RABEP2: variants seen among roughly 807,000 people sequenced by gnomAD.
The protein encoded by RABEP2 is rab GTPase-binding effector protein 2.
A neutral mutation model predicts 74.1 loss-of-function variants in RABEP2; 57 were observed. The ratio of observed to expected loss-of-function variants is 0.77; its 90% CI spans 0.62 to 0.96. The LOEUF (loss-of-function observed/expected upper bound fraction) is 0.96, where lower values mean the gene tolerates loss of function less well. Among genes scored for constraint, RABEP2 ranks in the 40% least tolerant of loss-of-function variants. The probability of loss-of-function intolerance (pLI) is 0.00; values close to 1 mark genes in which losing one functional copy is unlikely to be tolerated. For missense variants in RABEP2, 692 were observed against 756.3 expected, an observed-to-expected ratio of 0.91 and a Z score of 1.00; for synonymous variants, 351 against 344.0, an observed-to-expected ratio of 1.02 and a Z score of -0.23.
At chr16:28,924,884 C>G (rs1964513421) in intron 1 of RABEP2, 1 of 759,404 alleles carries the variant, frequency 1.3e-6, no homozygotes, top group Admixed American at 2.0e-5. Flanking sequence ...CGCGCCCCTT[C>G]CTCACCGGGC....
At chr16:28,917,444 G>C in intron 3 of RABEP2, among the ~76,000 whole-genome samples, 1 of 152,270 alleles carries the variant, frequency 6.6e-6, no homozygotes, top group East Asian at 1.9e-4. Flanking sequence ...TTTTGAGACG[G>C]AATCTTGCTC....
chr16:28,920,048 T>C (rs1193994791), intron 2 of RABEP2, 105 bp from the exon 3 acceptor site: 15 of 1,295,918 alleles, frequency 1.2e-5, no homozygotes, highest in Middle Eastern at 2.7e-4. Flanking sequence ...TGTGAGACAA[T>C]CTACCATAGC....
chr16:28,912,792 A>G (rs1354028642), intron 5 of RABEP2, among the ~76,000 whole-genome samples: 1 of 151,980 alleles, frequency 6.6e-6, no homozygotes, highest in Non-Finnish European at 1.5e-5. Context: ...GTCTCCTAAG[A>G]CGCACAATGC....
At position 28,924,291 on chromosome 16, in the gene RABEP2, C is replaced by T; in HGVS notation, c.274+112G>A. 3.7e-6 allele frequency: 4 copies of T among 1,088,550 alleles called. No homozygotes were observed. In the South Asian group the frequency reaches 4.3e-5, roughly 12 times the overall value. 67.4% of individuals were successfully genotyped at this position (1,088,550 alleles called of 1,614,324 possible). ...TCTGGGCCATAGGCATGCCCTGTGC[C>T]AGGCAGCCCTGCTAACCTATCCCAT... On this transcript the variant is annotated intron_variant, in intron 2 of 12. Coordinates refer to ENST00000358201, the MANE Select transcript of RABEP2 (RefSeq NM_024816.3).
chr16:28,907,483 G>A (rs1027213522), intron 8 of RABEP2, among the ~76,000 whole-genome samples: 1 of 151,920 alleles, frequency 6.6e-6, no homozygotes, highest in Non-Finnish European at 1.5e-5. Flanking sequence ...ATTTTTTGTA[G>A]AGACAGGGTC....
At position 28,925,114 on chromosome 16, in the gene RABEP2, C is replaced by T; in HGVS notation, c.50G>A (p.Arg17Gln). 3 of 1,531,562 alleles carry T rather than the reference C, an allele frequency of 2.0e-6. No homozygotes were observed. The South Asian group carries it at 3.6e-5, about 18-fold the overall frequency. 94.9% of individuals were successfully genotyped at this position (1,531,562 alleles called of 1,614,324 possible). The change falls in exon 1 of 13, where the codon CGG becomes CAG. Residue 17 changes from arginine to glutamine, a missense_variant. Physicochemically the swap from Arg to Gln is conservative, Grantham distance 43. Transcript: ENST00000358201. ...GCCCCCTCACGTACCAGCCCCCGGC[C>T]GCCGCCGCCGCTCATCGTCGTCCGC... ...VAADDDERRR[R>Q]PGAALEDSRS...
In RABEP2 at chr16:28,908,601, CAGCTTA is replaced by C. The variant is rs1480382425; in HGVS notation, c.1245+2_1245+7del. The C allele has an allele frequency of 1.2e-6, 2 of 1,603,482 alleles. No homozygotes were observed. Among genetic ancestry groups the C allele is most frequent in the Admixed American group, 3.4e-5 (2 of 59,116 alleles). On this transcript the variant is annotated splice_donor_variant and splice_donor_5th_base_variant and intron_variant, in intron 8 of 12. Coordinates refer to ENST00000358201, the MANE Select transcript of RABEP2 (RefSeq NM_024816.3). LOFTEE classifies it high-confidence loss of function. Reference sequence around the variant, plus strand: ...GCTCCAGGCTCTCAGTGCCCACACTCAGCTTACTGGCACAGAGCTGGGCAGTGATTC... The same window carrying C: ...GCTCCAGGCTCTCAGTGCCCACACTCCTGGCACAGAGCTGGGCAGTGATTC...
intron 2 of RABEP2, 34 bp from the exon 3 acceptor site, chr16:28,919,977 G>A (rs1277928371): frequency 1.0e-5 from 16 of 1,544,100 alleles, no homozygotes; most frequent in Admixed American, 1.8e-5. Flanking sequence ...GAGAGAGGGA[G>A]GGTCAATGAG....
intron 5 of RABEP2, among the ~76,000 whole-genome samples, 181 bp downstream of exon 5, chr16:28,914,055 G>A (rs968913573): frequency 8.0e-5 from 12 of 150,644 alleles, no homozygotes; most frequent in Non-Finnish European, 1.3e-4. Flanking sequence ...GATGGCAGGT[G>A]TGAGCCACCG....
intron 2 of RABEP2, 71 bp downstream of exon 2, chr16:28,924,332 C>A: frequency 6.9e-7 from 1 of 1,455,856 alleles, no homozygotes; most frequent in Non-Finnish European, 9.5e-7. Context: ...ATCTGTGCCC[C>A]CAATCCCTTT....
Position 28,904,621 on chromosome 16 carries a change from TGGGCAGGGGACGGGCTGG to T in RABEP2, c.*304_*321del. 2.0e-6 allele frequency: 2 copies of T among 1,023,436 alleles called. No individual in the cohort carries two copies. Among genetic ancestry groups the T allele is most frequent in the Non-Finnish European group, 1.3e-6 (1 of 750,234 alleles). The allele number at this position is 1,023,436 out of a possible 1,614,324, so 63.4% of individuals were successfully genotyped here. ...CAGCCCCCATGGCTCCGCTGTGCCCTGGGCAGGGGACGGGCTGGGGGCAGGGGAGGGCTGGAGCCCAGG... is the reference window on the plus strand; with the variant it reads ...CAGCCCCCATGGCTCCGCTGTGCCCTGGGCAGGGGAGGGCTGGAGCCCAGG... On this transcript the variant is annotated 3_prime_UTR_variant, in exon 13 of 13. Coordinates refer to ENST00000358201, the MANE Select transcript of RABEP2 (RefSeq NM_024816.3).
At chr16:28,908,262 A>ACT (rs10653411) in intron 8 of RABEP2, among the ~76,000 whole-genome samples, 1 of 151,848 alleles carries the variant, frequency 6.6e-6, no homozygotes, top group Non-Finnish European at 1.5e-5. Context: ...TTATTAAGAA[A>ACT]AAGTTGACAA....
intron 5 of RABEP2, 32 bp from the exon 6 acceptor site, chr16:28,911,211 C>A (rs780237428): frequency 1.3e-6 from 2 of 1,595,802 alleles, no homozygotes; most frequent in Non-Finnish European, 1.7e-6. Flanking sequence ...GCCTGCATCT[C>A]CCAGGAACTT....
At position 28,905,505 on chromosome 16, in the gene RABEP2, G is replaced by A. The variant is rs777796444; in HGVS notation, c.1500C>T (p.Leu500=). 1.9e-6 allele frequency: 3 copies of A among 1,611,302 alleles called. No homozygotes were observed. Among genetic ancestry groups the A allele is most frequent in the East Asian group, 2.2e-5 (1 of 44,842 alleles). The change falls in exon 12 of 13, where the codon CTC becomes CTT. Residue 500 remains leucine (L), a synonymous_variant. Coordinates refer to ENST00000358201, the MANE Select transcript of RABEP2 (RefSeq NM_024816.3). ...CCCTCTGTTCTGAGAGGAGGTCTGG[G>A]AGCTGGGCCTGCGGGGACAGACACC... ...RVQQEQSKAQ[L]PDLLSEQRAK... is the part of the protein sequence containing the mutation.
In RABEP2 at chr16:28,925,214, C is replaced by T. The variant is rs1964519883; in HGVS notation, c.-51G>A. 6.6e-7 allele frequency: 1 copy of T among 1,504,370 alleles called. No individual in the cohort carries two copies. Among genetic ancestry groups the T allele is most frequent in the South Asian group, 1.2e-5 (1 of 80,238 alleles). The allele number at this position is 1,504,370 out of a possible 1,614,324, so 93.2% of individuals were successfully genotyped here. ...CGCACTCCCTGGTGACGGAGCGCAC[C>T]GCTTCCGGGTCCTCTCGGCTGTTTC... On this transcript the variant is annotated 5_prime_UTR_variant, in exon 1 of 13. Transcript: ENST00000358201.
chr16:28,905,278 C>T (rs935916774), intron 12 of RABEP2, 119 bp downstream of exon 12: 58 of 778,616 alleles, frequency 7.4e-5, no homozygotes, highest in Non-Finnish European at 1.1e-4. Flanking sequence ...CAGGACAGGA[C>T]CATGCCAGCC....
At chr16:28,911,818 G>A (rs1055294499) in intron 5 of RABEP2, among the ~76,000 whole-genome samples, 8 of 151,972 alleles carry the variant, frequency 5.3e-5, no homozygotes, top group Admixed American at 2.0e-4. Context: ...ACGTGGTGGC[G>A]GGCCCCTGTA....
At chr16:28,917,318 C>G (rs1431961953) in intron 3 of RABEP2, among the ~76,000 whole-genome samples, 1 of 152,252 alleles carries the variant, frequency 6.6e-6, no homozygotes, top group Non-Finnish European at 1.5e-5. Flanking sequence ...AGGCAGAAAT[C>G]TGCCAGTCAT....
chr16:28,916,527 C>T (rs1394822544), intron 3 of RABEP2, among the ~76,000 whole-genome samples: 15 of 151,514 alleles, frequency 9.9e-5, no homozygotes, highest in East Asian at 1.9e-4. Flanking sequence ...CAAAATTAGC[C>T]GGGCGTGGCA....
Sources: gnomAD v4.1 joint callset for allele counts (sites outside exome capture counted in the v4.1 genomes callset) on GRCh38, gnomAD v4.1.1 for gene constraint, MANE v1.5 for transcripts, NCBI Gene and HGNC (gene_info 2026-07-23, HGNC 2026-07-21) for gene names.